Variants in ATP6V0A2 observed in about 807,000 individuals in gnomAD.
ATP6V0A2 encodes ATPase H+ transporting V0 subunit a2.
In ATP6V0A2, 58 loss-of-function variants were observed where a neutral mutation model predicts 104.4. The ratio of observed to expected loss-of-function variants is 0.56; its 90% CI spans 0.45 to 0.69. ATP6V0A2 has a LOEUF of 0.69. Ranked by LOEUF, ATP6V0A2 falls within the 30% of genes least tolerant of loss-of-function variation. The pLI, the probability that ATP6V0A2 is intolerant of heterozygous loss-of-function variation, is 0.00. For synonymous variants in ATP6V0A2, 376 were observed against 397.9 expected (o/e 0.95, Z 0.65); for missense variants, 938 against 1,062.9 (o/e 0.88, Z 1.63).
chr12:123,735,551 C>A lies in ATP6V0A2; in HGVS notation c.752C>A (p.Pro251His), dbSNP rs1362266611. 1.2e-6 allele frequency: 2 copies of A among 1,614,014 alleles called. No homozygotes were observed. The highest frequency in any genetic ancestry group is 3.3e-4 in the Middle Eastern group (2 of 6,052). The change falls in exon 8 of 20, where the codon CCC becomes CAC. Residue 251 changes from proline to histidine, a missense_variant. Coordinates refer to ENST00000330342, the MANE Select transcript of ATP6V0A2 (RefSeq NM_012463.4). ...ICDCYHCHVYPYPNTAEERRE... is the reference protein window; with the variant it reads ...ICDCYHCHVYHYPNTAEERRE... ...TCCAGCTACCACTGCCACGTGTACCCCTATCCAAACACAGCCGAGGAGCGG... is the reference window on the plus strand; with the variant it reads ...TCCAGCTACCACTGCCACGTGTACCACTATCCAAACACAGCCGAGGAGCGG...
At chr12:123,733,565 C>T (rs1956524250) in intron 6 of ATP6V0A2, 1 of 306,092 alleles carries the variant, frequency 3.3e-6, no homozygotes, top group South Asian at 3.3e-5. Flanking sequence ...CGTGAAATCA[C>T]CAAAAAAAGC....
rs546849436 is a variant in ATP6V0A2, at chr12:123,734,178, A to G, written c.731+170A>G. ...ATTTAATTTGTCATCTCTCTTACCAATGCATTACTTAAAATAATTTAAAAG... is the reference window on the plus strand; with the variant it reads ...ATTTAATTTGTCATCTCTCTTACCAGTGCATTACTTAAAATAATTTAAAAG... On this transcript the variant is annotated intron_variant, in intron 7 of 19. Transcript: ENST00000330342. Among the ~76,000 whole-genome samples, 17 of 152,348 alleles carry G rather than the reference A, an allele frequency of 1.1e-4. 1 individual carries two copies. The South Asian group carries it at 3.5e-3, about 32-fold the overall frequency.
chr12:123,727,762 G>A lies in ATP6V0A2; in HGVS notation c.522-21G>A, dbSNP rs753683021. 22 of 1,613,854 alleles carry A rather than the reference G, an allele frequency of 1.4e-5. No individual in the cohort carries two copies. In the East Asian group the frequency reaches 4.5e-4, roughly 33 times the overall value. On this transcript the variant is annotated intron_variant, in intron 5 of 19. Transcript: ENST00000330342. ...ATTTATTGCTTTCAGTTGACTACAG[G>A]TTGACTTTACTGTCTCACAGATTTG...
Position 123,743,920 on chromosome 12 carries a change from A to G in ATP6V0A2, c.1174A>G (p.Arg392Gly). The G allele has an allele frequency of 6.2e-7, 1 of 1,614,222 alleles. No homozygotes were observed. Among genetic ancestry groups the G allele is most frequent in the Non-Finnish European group, 8.5e-7 (1 of 1,180,042 alleles). ...GGATGCTTATGGAGTCGGAAGCTAC[A>G]GAGAAGTCAATCCAGGTTGGAAGTC... ...IVDAYGVGSY[R>G]EVNPALFTII... Residue 392 changes from arginine (R) to glycine (G), a missense_variant, in exon 10 of 20, where the codon AGA (arginine) becomes GGA (glycine). Transcript: ENST00000330342.
At chr12:123,741,621 TTA>T (rs771211657) in intron 9 of ATP6V0A2, among the ~76,000 whole-genome samples, 51 of 151,956 alleles carry the variant, frequency 3.4e-4, no homozygotes, top group Non-Finnish European at 6.0e-4. Flanking sequence ...ATTTATTTAT[TTA>T]GTTAGTTATT....
chr12:123,746,682 C>A (rs1363852914), intron 13 of ATP6V0A2, among the ~76,000 whole-genome samples: 6 of 149,596 alleles, frequency 4.0e-5, no homozygotes, highest in Non-Finnish European at 7.4e-5. Flanking sequence ...CGCGGTGGCT[C>A]ACACCTATAA....
At chr12:123,736,979 C>G in intron 8 of ATP6V0A2, 80 bp from the exon 9 acceptor site, 1 of 1,379,126 alleles carries the variant, frequency 7.3e-7, no homozygotes, top group Non-Finnish European at 1.0e-6. Context: ...GGAGAAAGTC[C>G]TCTAAGGGAA....
At chr12:123,728,185 TCAAAG>T (rs1412913417) in intron 6 of ATP6V0A2, among the ~76,000 whole-genome samples, 1 of 152,226 alleles carries the variant, frequency 6.6e-6, no homozygotes, top group African/African-American at 2.4e-5. Context: ...CCTAGTATGG[TCAAAG>T]CAAAGAATGT....
At chr12:123,745,765 C>G (rs952677958) in intron 13 of ATP6V0A2, among the ~76,000 whole-genome samples, 1 of 151,914 alleles carries the variant, frequency 6.6e-6, no homozygotes, top group African/African-American at 2.4e-5. Flanking sequence ...ACCCCCAACC[C>G]CTTCGAGGGC....
intron 2 of ATP6V0A2, chr12:123,721,721 T>A (rs1338266295): frequency 6.3e-6 from 1 of 158,352 alleles, no homozygotes; most frequent in Non-Finnish European, 1.4e-5. Flanking sequence ...GAATCTAGTT[T>A]TTAACTTCAG....
At chr12:123,719,985 T>C (rs1956383245) in intron 2 of ATP6V0A2, among the ~76,000 whole-genome samples, 1 of 152,194 alleles carries the variant, frequency 6.6e-6, no homozygotes, top group Non-Finnish European at 1.5e-5. Context: ...AGTTCAGGGC[T>C]GCCTCCTCTG....
chr12:123,757,809 A>C, intron 19 of ATP6V0A2, 118 bp from the exon 20 acceptor site: 1 of 697,030 alleles, frequency 1.4e-6, no homozygotes, highest in Non-Finnish European at 2.4e-6. Context: ...TGTGCCAAGA[A>C]CATATTTTGG....
At position 123,737,361 on chromosome 12, in the gene ATP6V0A2, T is replaced by C. The variant is rs757037892; in HGVS notation, c.1038+90T>C. 3.1e-5 allele frequency: 39 copies of C among 1,263,532 alleles called. No individual in the cohort carries two copies. The African/African-American group carries it at 4.6e-4, about 15-fold the overall frequency. 78.3% of individuals were successfully genotyped at this position (1,263,532 alleles called of 1,614,324 possible). A position where few individuals can be genotyped will look rare whatever the true frequency, so the allele number is the denominator to read the frequency against. ...AGAAAAAAAGGAAGTGAGAATTTCA[T>C]AGAGTAATGAGAATGCAGTGTGTTG... On this transcript the variant is annotated intron_variant, in intron 9 of 19. Coordinates refer to ENST00000330342, the MANE Select transcript of ATP6V0A2 (RefSeq NM_012463.4).
intron 6 of ATP6V0A2, among the ~76,000 whole-genome samples, chr12:123,730,369 G>A (rs1166238566): frequency 1.3e-5 from 2 of 151,968 alleles, no homozygotes; most frequent in Non-Finnish European, 2.9e-5. Context: ...GTTAGGTCTT[G>A]AACTCCTGAC....
rs577234375 is a variant in ATP6V0A2 at position 123,752,060 on chromosome 12, A to G, written c.2056-223A>G. On this transcript the variant is annotated intron_variant, in intron 16 of 19. Transcript: ENST00000330342. ...TTTTTGTAAAAGACGGGGTTTTGCC[A>G]TGTTGCACAGGCTGGTCTTGAACTC... is the stretch of plus-strand genomic sequence containing the variant. Among the ~76,000 whole-genome samples, 23 of 152,118 alleles carry G rather than the reference A, an allele frequency of 1.5e-4. No individual in the cohort carries two copies. In the East Asian group the frequency reaches 4.4e-3, roughly 29 times the overall value.
chr12:123,738,742 C>T (rs191853337), intron 9 of ATP6V0A2, among the ~76,000 whole-genome samples: 9 of 152,306 alleles, frequency 5.9e-5, no homozygotes, highest in Admixed American at 3.9e-4. Context: ...TTTTCTTCTA[C>T]ATTAAACTCA....
rs766998428 is a variant in ATP6V0A2, at chr12:123,751,218, G to A, written c.2044G>A (p.Gly682Arg). ...GCTTCACAATGGGCGTAGTTGCTTC[G>A]GGGTGAACCGGGTAAGTGCGGGTTT... is the stretch of plus-strand genomic sequence containing the variant. Reference protein sequence around the residue: ...LWLHNGRSCFGVNRSGYTLIR... With the variant: ...LWLHNGRSCFRVNRSGYTLIR... The change falls in exon 16 of 20, where the codon GGG (glycine) becomes AGG (arginine). Residue 682 changes from glycine (G) to arginine (R), a missense_variant. Physicochemically the swap from Gly to Arg is moderately radical, Grantham distance 125. Coordinates refer to ENST00000330342, the MANE Select transcript of ATP6V0A2 (RefSeq NM_012463.4). 14 of 1,614,164 alleles carry A rather than the reference G, an allele frequency of 8.7e-6. No individual in the cohort carries two copies. The highest frequency in any genetic ancestry group is 1.1e-5 in the Non-Finnish European group (13 of 1,180,018).
chr12:123,724,507 C>A (rs1196253303), intron 3 of ATP6V0A2, 147 bp from the exon 4 acceptor site: 19 of 710,724 alleles, frequency 2.7e-5, no homozygotes, highest in Non-Finnish European at 4.3e-5. Flanking sequence ...CCAGCCTGGG[C>A]GACAGAGGGA....
At chr12:123,727,305 T>C (rs1480252431) in intron 5 of ATP6V0A2, among the ~76,000 whole-genome samples, 1 of 127,402 alleles carries the variant, frequency 7.8e-6, no homozygotes. Flanking sequence ...TTTTTTTTTT[T>C]TGAGGCAGAG....
Sources: gnomAD v4.1 joint callset for allele counts (sites outside exome capture counted in the v4.1 genomes callset) on GRCh38, gnomAD v4.1.1 for gene constraint, MANE v1.5 for transcripts, NCBI Gene and HGNC (gene_info 2026-07-23, HGNC 2026-07-21) for gene names.